Variants in COLQ observed in about 807,000 individuals in gnomAD.
The protein encoded by COLQ is acetylcholinesterase collagenic tail peptide.
Under a neutral mutation model 69.0 loss-of-function variants are expected in COLQ, and 48 were observed. The observed-to-expected ratio is 0.70, with a 90% CI of 0.55 to 0.88. The LOEUF (loss-of-function observed/expected upper bound fraction) is 0.88, where lower values mean the gene tolerates loss of function less well. Among genes scored for constraint, COLQ ranks in the 40% least tolerant of loss-of-function variants. The pLI, the probability that COLQ is intolerant of heterozygous loss-of-function variation, is 0.00. For missense variants in COLQ, 618 were observed against 594.6 expected (o/e 1.04, Z -0.41); for synonymous variants, 217 against 211.2 (o/e 1.03, Z -0.24).
In COLQ at chr3:15,456,595, C is replaced by G. The variant is rs2062029126; in HGVS notation, c.955-16G>C. The stretch of plus-strand genomic sequence containing the variant: ...CCACAAAAATCTGCCAGAGAACACA[C>G]TGGTGAGGATTCCAGAAAACACTTC... On this transcript the variant is annotated splice_polypyrimidine_tract_variant and intron_variant, in intron 13 of 16. Coordinates refer to ENST00000383788, the MANE Select transcript of COLQ (RefSeq NM_005677.4). 1 of 1,613,620 alleles carries G rather than the reference C, an allele frequency of 6.2e-7. No individual in the cohort carries two copies. Among genetic ancestry groups the G allele is most frequent in the East Asian group, 2.2e-5 (1 of 44,870 alleles).
intron 1 of COLQ, among the ~76,000 whole-genome samples, chr3:15,495,701 C>T (rs77253604): frequency 1.3e-5 from 2 of 152,132 alleles, no homozygotes; most frequent in South Asian, 2.1e-4. Flanking sequence ...CCAGCTGTCA[C>T]GGGCTACTTT....
At position 15,488,259 on chromosome 3, in the gene COLQ, G is replaced by A; in HGVS notation, c.268C>T (p.Gln90Ter). ...AGCGAGCCTTGCATGCACGGGGACT[G>A]CGAGGTCTCCAGTTCCAGCATGAGA... ...KNLMLELETSQSPCMQGSLGS... is the reference protein window; with the variant it reads ...KNLMLELETS The change falls in exon 3 of 17, where the codon CAG (glutamine) becomes TAG (stop). Residue 90 changes from glutamine to a stop codon, truncating the protein, a stop_gained. Transcript: ENST00000383788. LOFTEE classifies it high-confidence loss of function. 6.2e-7 allele frequency: 1 copy of A among 1,613,666 alleles called. No individual in the cohort carries two copies. Among genetic ancestry groups the A allele is most frequent in the Non-Finnish European group, 8.5e-7 (1 of 1,180,016 alleles).
chr3:15,519,525 C>G (rs569146946), intron 1 of COLQ, among the ~76,000 whole-genome samples: 5 of 152,344 alleles, frequency 3.3e-5, no homozygotes, highest in Admixed American at 1.3e-4. Context: ...CTTGCCTTTT[C>G]AAGCACAGGG....
chr3:15,492,809 C>G (rs887109509), intron 1 of COLQ, among the ~76,000 whole-genome samples: 18 of 152,226 alleles, frequency 1.2e-4, no homozygotes, highest in Non-Finnish European at 2.4e-4. Flanking sequence ...ACAGCTCTCA[C>G]TCCTGACCCG....
At chr3:15,455,639 T>G (rs1346739717) in intron 15 of COLQ, among the ~76,000 whole-genome samples, 2 of 152,224 alleles carry the variant, frequency 1.3e-5, no homozygotes, top group East Asian at 3.8e-4. Flanking sequence ...GGTGGCTACA[T>G]TTTGAGATAA....
intron 16 of COLQ, among the ~76,000 whole-genome samples, chr3:15,452,921 C>T (rs1257743257): frequency 1.3e-5 from 2 of 152,108 alleles, no homozygotes; most frequent in African/African-American, 2.4e-5. Context: ...GGCCCAGGTC[C>T]GAGTCTACAA....
At chr3:15,458,778 C>A (rs573317594) in intron 12 of COLQ, among the ~76,000 whole-genome samples, 1 of 152,260 alleles carries the variant, frequency 6.6e-6, no homozygotes, top group South Asian at 2.1e-4. Flanking sequence ...GGGCTTCTTG[C>A]CGACAAACAC....
intron 12 of COLQ, among the ~76,000 whole-genome samples, chr3:15,464,709 G>A (rs138430503): frequency 1.3e-5 from 2 of 152,280 alleles, no homozygotes; most frequent in African/African-American, 2.4e-5. Context: ...GAAAAAAGTT[G>A]GAATAAAAAT....
At chr3:15,477,949 G>A (rs1006056070) in intron 5 of COLQ, among the ~76,000 whole-genome samples, 4 of 152,212 alleles carry the variant, frequency 2.6e-5, no homozygotes, top group Admixed American at 2.0e-4. Flanking sequence ...AGCAAGCCCT[G>A]CAAGAGAGAG....
chr3:15,452,217 C>A (rs1390865080), intron 16 of COLQ, among the ~76,000 whole-genome samples: 2 of 152,010 alleles, frequency 1.3e-5, no homozygotes, highest in Non-Finnish European at 2.9e-5. Context: ...CAGGCACGTG[C>A]CACCAAGCTC....
At chr3:15,485,863 G>A (rs1315196800) in intron 3 of COLQ, among the ~76,000 whole-genome samples, 4 of 152,182 alleles carry the variant, frequency 2.6e-5, no homozygotes, top group Admixed American at 6.5e-5. Flanking sequence ...GTGGGAGGCT[G>A]ATGTAGGAGG....
chr3:15,458,273 T>A lies in COLQ; in HGVS notation c.867A>T (p.Gly289=). ...KGERGFPGPP[G]RCLCGPTMNV... is the part of the protein sequence containing the mutation. Reference sequence around the variant, plus strand: ...TCATAGTGGGTCCACAAAGACATCTTCCTGGAGGCCCGGGAAATCCTCTTT... The same window carrying A: ...TCATAGTGGGTCCACAAAGACATCTACCTGGAGGCCCGGGAAATCCTCTTT... Residue 289 remains glycine (G), a synonymous_variant, in exon 13 of 17, where the codon GGA becomes GGT. Coordinates refer to ENST00000383788, the MANE Select transcript of COLQ (RefSeq NM_005677.4). The A allele has an allele frequency of 1.2e-6, 2 of 1,614,166 alleles. No individual in the cohort carries two copies. The highest frequency in any genetic ancestry group is 1.7e-6 in the Non-Finnish European group (2 of 1,180,020).
chr3:15,474,315 G>C (rs1193250729), intron 8 of COLQ, 43 bp from the exon 9 acceptor site: 11 of 1,600,068 alleles, frequency 6.9e-6, no homozygotes, highest in Non-Finnish European at 9.4e-6. Flanking sequence ...TTAATATCCT[G>C]GGAGGGAAAT....
At chr3:15,484,018 A>G (rs1020051533) in intron 3 of COLQ, among the ~76,000 whole-genome samples, 2 of 150,564 alleles carry the variant, frequency 1.3e-5, no homozygotes, top group African/African-American at 4.9e-5. Context: ...CTGTTTTATC[A>G]GAGACTAGGA....
At chr3:15,479,031 A>G (rs2062430613) in intron 4 of COLQ, 28 bp from the exon 5 acceptor site, 1 of 1,614,074 alleles carries the variant, frequency 6.2e-7, no homozygotes, top group Non-Finnish European at 8.5e-7. Context: ...AGGTAAGGAG[A>G]GGCTGCTTTG....
chr3:15,479,452 G>T, intron 3 of COLQ, 70 bp from the exon 4 acceptor site: 1 of 1,436,554 alleles, frequency 7.0e-7, no homozygotes, highest in Non-Finnish European at 9.8e-7. Flanking sequence ...GAGGCTCTTG[G>T]TGCACTGGGC....
At chr3:15,465,632 T>TC (rs2062188825) in intron 12 of COLQ, among the ~76,000 whole-genome samples, 1 of 93,280 alleles carries the variant, frequency 1.1e-5, no homozygotes, top group Non-Finnish European at 2.2e-5. Flanking sequence ...TTTTTTTTTT[T>TC]GGAGACAGAG....
At chr3:15,479,982 C>G (rs1371798184) in intron 3 of COLQ, among the ~76,000 whole-genome samples, 6 of 152,180 alleles carry the variant, frequency 3.9e-5, no homozygotes, top group Admixed American at 3.9e-4. Flanking sequence ...GGAGCTGACT[C>G]TAGCTCAGGG....
At chr3:15,466,116 C>T (rs1229428149) in intron 12 of COLQ, among the ~76,000 whole-genome samples, 5 of 152,114 alleles carry the variant, frequency 3.3e-5, no homozygotes, top group African/African-American at 1.2e-4. Flanking sequence ...TTTTTCTGTC[C>T]TCTATTTGTT....
Sources: allele counts gnomAD v4.1 joint callset (sites outside exome capture counted in the v4.1 genomes callset), GRCh38; gene constraint gnomAD v4.1.1; transcripts MANE v1.5; gene names NCBI Gene and HGNC (gene_info 2026-07-23, HGNC 2026-07-21).